The following ABI3BP variants were observed in gnomAD, a reference collection of about 807,000 sequenced individuals.
ABI3BP encodes target of Nesh-SH3.
In ABI3BP, 216 loss-of-function variants were observed where a neutral mutation model predicts 268.6. That is an observed-to-expected ratio of 0.80 (90% CI 0.72 to 0.90). ABI3BP has a LOEUF of 0.90. ABI3BP is among the 40% of genes least tolerant of loss of function. ABI3BP has a pLI of 0.00. For missense variants in ABI3BP, 2,090 were observed against 2,182.4 expected, an observed-to-expected ratio of 0.96 and a Z score of 0.84; for synonymous variants, 730 against 730.0, an observed-to-expected ratio of 1.00 and a Z score of 0.00.
intron 2 of ABI3BP, among the ~76,000 whole-genome samples, chr3:100,906,114 G>T (rs568188648): frequency 6.6e-6 from 1 of 152,256 alleles, no homozygotes; most frequent in South Asian, 2.1e-4. Flanking sequence ...GAGTCTCTTA[G>T]AGTTAACCTT....
intron 16 of ABI3BP, 115 bp from the exon 17 acceptor site, chr3:100,850,234 G>T: frequency 1.2e-6 from 1 of 853,286 alleles, no homozygotes; most frequent in Non-Finnish European, 1.8e-6. Context: ...CATGATTAAA[G>T]ATGAAAAATG....
Position 100,778,290 on chromosome 3 carries a change from T to C in ABI3BP, c.4327A>G (p.Ser1443Gly). 6.2e-7 allele frequency: 1 copy of C among 1,613,762 alleles called. No individual in the cohort carries two copies. The highest frequency in any genetic ancestry group is 8.5e-7 in the Non-Finnish European group (1 of 1,179,774). ...AGGTACATGACTAACGTACCTGCAC[T>C]TCCTGGCTTTCCAGTGACATTATTT... ...PPNNVTGKPG[S>G]AGIISSGPIT... is the part of the protein sequence containing the mutation. Residue 1443 changes from serine (S) to glycine (G), a missense_variant, in exon 59 of 68, where the codon AGT becomes GGT. By Grantham distance (56) the Ser-to-Gly change is moderately conservative (BLOSUM62 0). Coordinates refer to ENST00000471714, the MANE Select transcript of ABI3BP (RefSeq NM_001375547.2).
In ABI3BP at chr3:100,770,793, G is replaced by A; in HGVS notation, c.4691C>T (p.Pro1564Leu). 6.4e-7 allele frequency: 1 copy of A among 1,566,566 alleles called. No homozygotes were observed. The highest frequency in any genetic ancestry group is 8.6e-7 in the Non-Finnish European group (1 of 1,156,368). ...NLTVVTVEGCPSFVILDWEKP... is the reference protein window; with the variant it reads ...NLTVVTVEGCLSFVILDWEKP... ...TTCCCAGTCCAAGATGACAAATGAG[G>A]GGCACCCTTCCACGGTGACCACAGT... The change falls in exon 62 of 68, where the codon CCC becomes CTC. Residue 1564 changes from proline (P) to leucine (L), a missense_variant. Coordinates refer to ENST00000471714, the MANE Select transcript of ABI3BP (RefSeq NM_001375547.2).
At chr3:100,905,755 T>A (rs553759309) in intron 2 of ABI3BP, among the ~76,000 whole-genome samples, 2 of 152,128 alleles carry the variant, frequency 1.3e-5, no homozygotes, top group Non-Finnish European at 2.9e-5. Context: ...GGCCCTTACG[T>A]TTGCATTTAA....
At chr3:100,881,676 G>GA (rs5851233) in intron 6 of ABI3BP, among the ~76,000 whole-genome samples, 107,176 of 149,824 alleles carry the variant, frequency 0.72, 39,330 homozygotes, top group Non-Finnish European at 0.8. Context: ...TCTCTAAATG[G>GA]AAAAAAAAAG....
chr3:100,752,926 A>T lies in ABI3BP; in HGVS notation c.4983T>A (p.Thr1661=), dbSNP rs1398125307. 1 of 1,612,578 alleles carries T rather than the reference A, an allele frequency of 6.2e-7. No homozygotes were observed. Among genetic ancestry groups the T allele is most frequent in the Non-Finnish European group, 8.5e-7 (1 of 1,179,300 alleles). Residue 1661 remains threonine, a synonymous_variant, in exon 66 of 68, where the codon ACT becomes ACA. Coordinates refer to ENST00000471714, the MANE Select transcript of ABI3BP (RefSeq NM_001375547.2). ...AAGAGTCTGAATTAAAGGGTCTTTC[A>T]GTCCAGATGGCATCTCTTCCTGCTA... ...PVSAGRDAIW[T]ERPFNSDSYS... is the part of the protein sequence containing the mutation.
Position 100,815,947 on chromosome 3 carries a change from A to G in ABI3BP, c.3254T>C (p.Val1085Ala), listed in dbSNP as rs751024112. The change falls in exon 44 of 68, where the codon GTT (valine) becomes GCT (alanine). Residue 1085 changes from valine to alanine, a missense_variant. Coordinates refer to ENST00000471714, the MANE Select transcript of ABI3BP (RefSeq NM_001375547.2). ...KSVSVTGFEP[V>A]VHSTDAPGTT... ...TCCTGGAGCATCAGTACTATGAACAACAGGTTCAAAGCCTGTAACAGAAAC... is the reference window on the plus strand; with the variant it reads ...TCCTGGAGCATCAGTACTATGAACAGCAGGTTCAAAGCCTGTAACAGAAAC... The G allele has an allele frequency of 9.2e-6, 14 of 1,528,110 alleles. No individual in the cohort carries two copies. In the Middle Eastern group the frequency reaches 6.8e-4, roughly 74 times the overall value. 94.7% of individuals were successfully genotyped at this position (1,528,110 alleles called of 1,614,324 possible). A position where few individuals can be genotyped will look rare whatever the true frequency, so the allele number is the denominator to read the frequency against.
intron 2 of ABI3BP, among the ~76,000 whole-genome samples, chr3:100,905,570 T>C (rs2053013248): frequency 6.6e-6 from 1 of 151,552 alleles, no homozygotes; most frequent in South Asian, 2.1e-4. Flanking sequence ...CATTCAGAAA[T>C]GAGTTGAAAG....
intron 58 of ABI3BP, among the ~76,000 whole-genome samples, chr3:100,779,313 C>T (rs1447770016): frequency 1.1e-4 from 17 of 152,148 alleles, no homozygotes; most frequent in Admixed American, 2.6e-4. Context: ...AGCTTAGCAC[C>T]TGCTCTGCTC....
chr3:100,789,291 T>C (rs1487416165), intron 56 of ABI3BP, among the ~76,000 whole-genome samples, 163 bp downstream of exon 56: 1 of 152,080 alleles, frequency 6.6e-6, no homozygotes, highest in Non-Finnish European at 1.5e-5. Flanking sequence ...CTTGTCACAT[T>C]TATGGATTCA....
At chr3:100,965,432 A>C (rs974887850) in intron 1 of ABI3BP, among the ~76,000 whole-genome samples, 4 of 152,132 alleles carry the variant, frequency 2.6e-5, no homozygotes, top group Non-Finnish European at 4.4e-5. Flanking sequence ...AATTATTGCT[A>C]AACCAAAGTA....
intron 36 of ABI3BP, 44 bp downstream of exon 36, chr3:100,824,813 CA>C: frequency 6.7e-7 from 1 of 1,482,662 alleles, no homozygotes; most frequent in Non-Finnish European, 9.1e-7. Flanking sequence ...CCCACTGCGA[CA>C]GGCTGCCAGG....
At position 100,823,521 on chromosome 3, in the gene ABI3BP, A is replaced by G; in HGVS notation, c.2747-7T>C. ...TCTAGGACTGTAGCAGGAACTGACC[A>G]AAACAACATGTAAATCAAAGAGATT... On this transcript the variant is annotated splice_polypyrimidine_tract_variant and splice_region_variant and intron_variant, in intron 36 of 67. Coordinates refer to ENST00000471714, the MANE Select transcript of ABI3BP (RefSeq NM_001375547.2). 6.5e-7 allele frequency: 1 copy of G among 1,527,974 alleles called. No individual in the cohort carries two copies. The highest frequency in any genetic ancestry group is 8.7e-7 in the Non-Finnish European group (1 of 1,142,958). The allele number at this position is 1,527,974 out of a possible 1,614,324, so 94.7% of individuals were successfully genotyped here. A position where few individuals can be genotyped will look rare whatever the true frequency, so the allele number is the denominator to read the frequency against.
chr3:100,837,747 T>G (rs1331889666), intron 26 of ABI3BP, among the ~76,000 whole-genome samples: 1 of 152,118 alleles, frequency 6.6e-6, no homozygotes, highest in Non-Finnish European at 1.5e-5. Context: ...AGAGCAAGAC[T>G]CCATCTCTAA....
At position 100,876,530 on chromosome 3, in the gene ABI3BP, T is replaced by C. The variant is rs2099162581; in HGVS notation, c.727A>G (p.Ile243Val). 6.2e-7 allele frequency: 1 copy of C among 1,613,494 alleles called. No individual in the cohort carries two copies. The highest frequency in any genetic ancestry group is 8.5e-7 in the Non-Finnish European group (1 of 1,179,614). Reference sequence around the variant, plus strand: ...AAATTACCTTGCTTGATGATTGTTATTGGGATTAGTTTCCTTGGGACATAT... The same window carrying C: ...AAATTACCTTGCTTGATGATTGTTACTGGGATTAGTTTCCTTGGGACATAT... ...PAYVPRKLIPITIIKQVIQNV... is the reference protein window; with the variant it reads ...PAYVPRKLIPVTIIKQVIQNV... Residue 243 changes from isoleucine to valine, a missense_variant, in exon 7 of 68, where the codon ATA becomes GTA. By Grantham distance (29) the Ile-to-Val change is conservative (BLOSUM62 3). Transcript: ENST00000471714.
intron 6 of ABI3BP, among the ~76,000 whole-genome samples, chr3:100,882,376 G>A (rs2153374676): frequency 6.6e-6 from 1 of 151,632 alleles, no homozygotes; most frequent in Non-Finnish European, 1.5e-5. Context: ...GTTATCCCAT[G>A]CAGTTCTGTT....
Position 100,837,044 on chromosome 3 carries a change from C to T in ABI3BP, c.2131+80G>A, listed in dbSNP as rs1406049635. On this transcript the variant is annotated intron_variant, in intron 27 of 67. Transcript: ENST00000471714. Reference sequence around the variant, plus strand: ...ACAAAAATGGTGAATGACAATTGTGCATATTATAGCTAATGAAAAAAGAGA... The same window carrying T: ...ACAAAAATGGTGAATGACAATTGTGTATATTATAGCTAATGAAAAAAGAGA... 3 of 1,286,920 alleles carry T rather than the reference C, an allele frequency of 2.3e-6. No homozygotes were observed. The East Asian group carries it at 7.8e-5, about 33-fold the overall frequency. 79.7% of individuals were successfully genotyped at this position (1,286,920 alleles called of 1,614,324 possible).
chr3:100,946,514 T>C (rs968714709), intron 1 of ABI3BP, among the ~76,000 whole-genome samples: 1 of 151,404 alleles, frequency 6.6e-6, no homozygotes, highest in African/African-American at 2.4e-5. Flanking sequence ...GAAGGCTGGG[T>C]GTGGTGGCTC....
At chr3:100,820,133 AC>A (rs1310004882) in intron 40 of ABI3BP, 86 bp downstream of exon 40, 2 of 1,180,116 alleles carry the variant, frequency 1.7e-6, no homozygotes, top group African/African-American at 3.1e-5. Context: ...TGGTACTCAC[AC>A]AGGCCATCAC....
Sources: allele counts gnomAD v4.1 joint callset (sites outside exome capture counted in the v4.1 genomes callset), GRCh38; gene constraint gnomAD v4.1.1; transcripts MANE v1.5; gene names NCBI Gene and HGNC (gene_info 2026-07-23, HGNC 2026-07-21).